ST6GALNAC3: variants seen among roughly 807,000 people sequenced by gnomAD.
The protein encoded by ST6GALNAC3 is alpha-N-acetylgalactosaminide alpha-2,6-sialyltransferase 3.
A neutral mutation model predicts 32.7 loss-of-function variants in ST6GALNAC3; 25 were observed. The observed-to-expected ratio is 0.76, with a 90% CI of 0.56 to 1.07. The LOEUF is 1.07. Ranked by LOEUF, ST6GALNAC3 falls within the 50% of genes least tolerant of loss-of-function variation. ST6GALNAC3 has a pLI of 0.00. For synonymous variants in ST6GALNAC3, 129 were observed against 133.1 expected (o/e 0.97, Z 0.21); for missense variants, 355 against 382.4 (o/e 0.93, Z 0.60).
chr1:76,599,297 A>G (rs1357067360), intron 3 of ST6GALNAC3, among the ~76,000 whole-genome samples: 2 of 152,086 alleles, frequency 1.3e-5, no homozygotes, highest in Non-Finnish European at 2.9e-5. Flanking sequence ...TTTTTTAATT[A>G]TACTTTAAGT....
chr1:76,126,457 T>C (rs555532406), intron 1 of ST6GALNAC3, among the ~76,000 whole-genome samples: 1 of 148,412 alleles, frequency 6.7e-6, no homozygotes, highest in African/African-American at 2.4e-5. Flanking sequence ...CCTTCCTCTC[T>C]CTCTGTCTCG....
In ST6GALNAC3 at chr1:76,544,041, G is replaced by A. The variant is rs902067650; in HGVS notation, c.624-83411G>A. Among the ~76,000 whole-genome samples the A allele has an allele frequency of 2.0e-5, 3 of 150,576 alleles. No individual in the cohort carries two copies. In the Admixed American group the frequency reaches 2.0e-4, roughly 10 times the overall value. ...AGCCCATGACCTCAAGCATCATATA[G>A]TCTAGTGGGGGAGATAGTCATCATT... On this transcript the variant is annotated intron_variant, in intron 3 of 4. Coordinates refer to ENST00000328299, the MANE Select transcript of ST6GALNAC3 (RefSeq NM_152996.4).
At chr1:76,489,996 G>A (rs559160323) in intron 3 of ST6GALNAC3, among the ~76,000 whole-genome samples, 3 of 152,232 alleles carry the variant, frequency 2.0e-5, no homozygotes, top group African/African-American at 7.2e-5. Context: ...AGACTTTCAG[G>A]TATGATGTAA....
intron 3 of ST6GALNAC3, among the ~76,000 whole-genome samples, chr1:76,476,424 CTTGT>C (rs1186917674): frequency 6.6e-6 from 1 of 152,012 alleles, no homozygotes; most frequent in Non-Finnish European, 1.5e-5. Flanking sequence ...ATAAATTTGT[CTTGT>C]TTATTACTAG....
chr1:76,598,151 C>A (rs560764178), intron 3 of ST6GALNAC3, among the ~76,000 whole-genome samples: 1 of 152,082 alleles, frequency 6.6e-6, no homozygotes, highest in Non-Finnish European at 1.5e-5. Flanking sequence ...TCCCTGAGAT[C>A]TCTTTTAGAA....
chr1:76,356,301 A>G (rs1340256756), intron 2 of ST6GALNAC3, among the ~76,000 whole-genome samples: 1 of 152,190 alleles, frequency 6.6e-6, no homozygotes, highest in East Asian at 1.9e-4. Flanking sequence ...CAGGCAATTC[A>G]TTTTGAATGC....
At chr1:76,214,887 AC>A (rs1570462106) in intron 1 of ST6GALNAC3, among the ~76,000 whole-genome samples, 1 of 152,106 alleles carries the variant, frequency 6.6e-6, no homozygotes, top group African/African-American at 2.4e-5. Flanking sequence ...TTAGATAGGG[AC>A]CTACCTTCAA....
At chr1:76,507,547 T>G (rs1303890867) in intron 3 of ST6GALNAC3, among the ~76,000 whole-genome samples, 1 of 152,216 alleles carries the variant, frequency 6.6e-6, no homozygotes, top group Non-Finnish European at 1.5e-5. Flanking sequence ...ATATGTGGTC[T>G]ATTGTGAGTG....
chr1:76,107,292 T>G (rs2100791825), intron 1 of ST6GALNAC3, among the ~76,000 whole-genome samples: 1 of 141,956 alleles, frequency 7.0e-6, no homozygotes, highest in East Asian at 1.9e-4. Flanking sequence ...TTAAACACAC[T>G]TTTGCTTTTT....
In ST6GALNAC3 at chr1:76,632,489, A is replaced by G. The variant is rs1377260754; in HGVS notation, c.*3683A>G. ...CTCCTATTCAAATAAGCCAGTCTTTAGCATAAGCAAAATCCAGATTTGCAT... is the reference window on the plus strand; with the variant it reads ...CTCCTATTCAAATAAGCCAGTCTTTGGCATAAGCAAAATCCAGATTTGCAT... On this transcript the variant is annotated 3_prime_UTR_variant, in exon 5 of 5. Transcript: ENST00000328299. 2 of 152,194 alleles carry G rather than the reference A, an allele frequency of 1.3e-5. No homozygotes were observed. Among genetic ancestry groups the G allele is most frequent in the Non-Finnish European group, 2.9e-5 (2 of 68,026 alleles). 9.4% of individuals were successfully genotyped at this position (152,194 alleles called of 1,614,324 possible).
intron 3 of ST6GALNAC3, among the ~76,000 whole-genome samples, chr1:76,437,258 G>T (rs754622070): frequency 1.3e-5 from 2 of 152,080 alleles, no homozygotes; most frequent in Non-Finnish European, 2.9e-5. Flanking sequence ...AGAAGAGATC[G>T]TGTCCTTGGA....
At chr1:76,339,745 C>A (rs533715830) in intron 2 of ST6GALNAC3, among the ~76,000 whole-genome samples, 2 of 152,160 alleles carry the variant, frequency 1.3e-5, no homozygotes, top group African/African-American at 2.4e-5. Context: ...AGAGACCAAG[C>A]AACTCCTCTA....
intron 1 of ST6GALNAC3, among the ~76,000 whole-genome samples, chr1:76,311,272 C>CT (rs923953219): frequency 4.9e-5 from 4 of 81,594 alleles, no homozygotes; most frequent in African/African-American, 1.2e-4. Flanking sequence ...CCCACCCCGC[C>CT]TTTTTTTTCT....
intron 3 of ST6GALNAC3, among the ~76,000 whole-genome samples, chr1:76,454,024 T>C (rs1463226942): frequency 1.3e-5 from 2 of 152,190 alleles, no homozygotes; most frequent in African/African-American, 4.8e-5. Flanking sequence ...ATTTTATCAT[T>C]ATATGATGCC....
chr1:76,384,623 T>C (rs1439086270), intron 2 of ST6GALNAC3, among the ~76,000 whole-genome samples: 3 of 152,058 alleles, frequency 2.0e-5, no homozygotes, highest in Non-Finnish European at 4.4e-5. Context: ...ACCAAATTAA[T>C]CACATACTGG....
At chr1:76,609,787 T>G (rs575246762) in intron 3 of ST6GALNAC3, among the ~76,000 whole-genome samples, 36 of 152,016 alleles carry the variant, frequency 2.4e-4, no homozygotes, top group Non-Finnish European at 3.4e-4. Context: ...CTGTCCCCCC[T>G]CCTTCATATA....
At chr1:76,166,632 G>A (rs779600427) in intron 1 of ST6GALNAC3, among the ~76,000 whole-genome samples, 14 of 152,182 alleles carry the variant, frequency 9.2e-5, no homozygotes, top group Non-Finnish European at 1.3e-4. Flanking sequence ...CTATCCATGA[G>A]CATGGAATGT....
intron 2 of ST6GALNAC3, among the ~76,000 whole-genome samples, chr1:76,327,266 GTATA>G: frequency 6.8e-6 from 1 of 146,486 alleles, no homozygotes. Flanking sequence ...GGATGTGTAT[GTATA>G]TATGCGTGTG....
At chr1:76,571,399 C>G (rs1665850772) in intron 3 of ST6GALNAC3, among the ~76,000 whole-genome samples, 1 of 152,010 alleles carries the variant, frequency 6.6e-6, no homozygotes, top group Non-Finnish European at 1.5e-5. Flanking sequence ...AAGGCAACTT[C>G]CGCACTTATA....
Sources: gnomAD v4.1 joint callset for allele counts (sites outside exome capture counted in the v4.1 genomes callset) on GRCh38, gnomAD v4.1.1 for gene constraint, MANE v1.5 for transcripts, NCBI Gene and HGNC (gene_info 2026-07-23, HGNC 2026-07-21) for gene names.